NCKAP5: variants seen among roughly 807,000 people sequenced by gnomAD.
The protein encoded by NCKAP5 is NCK associated protein 5.
In NCKAP5, 92 loss-of-function variants were observed where a neutral mutation model predicts 167.0. The ratio of observed to expected loss-of-function variants is 0.55; its 90% CI spans 0.47 to 0.66. The LOEUF is 0.66. Among genes scored for constraint, NCKAP5 ranks in the 30% least tolerant of loss-of-function variants. The probability of loss-of-function intolerance (pLI) is 0.00; values close to 1 mark genes in which losing one functional copy is unlikely to be tolerated. For missense variants in NCKAP5, 2,378 were observed against 2,315.0 expected, an observed-to-expected ratio of 1.03 and a Z score of -0.56; for synonymous variants, 891 against 877.4, an observed-to-expected ratio of 1.02 and a Z score of -0.27.
At chr2:133,182,955 G>A (rs2084796875) in intron 5 of NCKAP5, among the ~76,000 whole-genome samples, 1 of 152,040 alleles carries the variant, frequency 6.6e-6, no homozygotes, top group Non-Finnish European at 1.5e-5. Context: ...GATATCAAAA[G>A]GATAGTAAGA....
intron 15 of NCKAP5, 41 bp from the exon 16 acceptor site, chr2:132,773,935 A>G (rs759015254): frequency 9.7e-6 from 15 of 1,541,860 alleles, no homozygotes; most frequent in African/African-American, 1.4e-5. Flanking sequence ...TATTTGTTTT[A>G]TTAAAAAGAT....
intron 3 of NCKAP5, among the ~76,000 whole-genome samples, chr2:133,486,441 T>G (rs900246083): frequency 6.6e-6 from 1 of 152,178 alleles, no homozygotes; most frequent in African/African-American, 2.4e-5. Context: ...CCCCATGCAG[T>G]GAGGCTAGTT....
chr2:133,046,158 G>A (rs1398031152), intron 6 of NCKAP5, among the ~76,000 whole-genome samples: 1 of 152,110 alleles, frequency 6.6e-6, no homozygotes, highest in East Asian at 1.9e-4. Flanking sequence ...TTGTCTGTGG[G>A]TAGTTGGAAT....
At chr2:132,996,723 A>C (rs2077613594) in intron 6 of NCKAP5, among the ~76,000 whole-genome samples, 1 of 152,242 alleles carries the variant, frequency 6.6e-6, no homozygotes, top group African/African-American at 2.4e-5. Context: ...CTGTAGATAA[A>C]ATACATACTC....
chr2:132,905,845 A>G (rs943871404), intron 8 of NCKAP5, among the ~76,000 whole-genome samples: 1 of 152,088 alleles, frequency 6.6e-6, no homozygotes, highest in African/African-American at 2.4e-5. Flanking sequence ...TCTCAGGTTC[A>G]TAGTATATAC....
intron 3 of NCKAP5, among the ~76,000 whole-genome samples, chr2:133,486,690 C>T (rs907776528): frequency 3.9e-5 from 6 of 152,154 alleles, no homozygotes; most frequent in East Asian, 3.8e-4. Context: ...GAGTGGTGAA[C>T]GTCTACAAAT....
At chr2:132,754,170 T>G (rs1574087618) in intron 16 of NCKAP5, among the ~76,000 whole-genome samples, 1 of 152,194 alleles carries the variant, frequency 6.6e-6, no homozygotes. Context: ...ATGTATCTGG[T>G]CCTGGTGGTA....
rs771674146 is a variant in NCKAP5 at position 133,066,759 on chromosome 2, AAAAGTCAGTAGGG to A, written c.341+63206_341+63218del. Among the ~76,000 whole-genome samples the A allele has an allele frequency of 1.5e-3, 225 of 152,338 alleles. 1 individual carries two copies. In the Middle Eastern group the frequency reaches 0.017, roughly 12 times the overall value. ...AAAATTTTTGCAATGGTTATGTGGG[AAAAGTCAGTAGGG>A]AAAGTCAGTAGGGAAAAGGAAATGT... is the stretch of plus-strand genomic sequence containing the variant. On this transcript the variant is annotated intron_variant, in intron 6 of 19. Transcript: ENST00000409261.
At chr2:133,539,076 G>A (rs2104873683) in intron 2 of NCKAP5, among the ~76,000 whole-genome samples, 1 of 151,806 alleles carries the variant, frequency 6.6e-6, no homozygotes, top group South Asian at 2.1e-4. Context: ...AAGTAGCTGG[G>A]ACTACAGGCG....
At chr2:133,646,504 CA>C in the NCKAP5 span, among the ~76,000 whole-genome samples, 1 of 151,920 alleles carries the variant, frequency 6.6e-6, no homozygotes, top group Non-Finnish European at 1.5e-5. Flanking sequence ...AACTTTCCTT[CA>C]AAAATAAAGG....
chr2:133,060,037 CT>C (rs2079944891), intron 6 of NCKAP5, among the ~76,000 whole-genome samples: 2 of 152,094 alleles, frequency 1.3e-5, no homozygotes, highest in Non-Finnish European at 2.9e-5. Context: ...CCAGAGAGCC[CT>C]AAGCTCCCAG....
At chr2:133,432,555 A>C (rs1690228826) in intron 3 of NCKAP5, among the ~76,000 whole-genome samples, 1 of 152,170 alleles carries the variant, frequency 6.6e-6, no homozygotes, top group South Asian at 2.1e-4. Context: ...CTCCAAATAC[A>C]AGCCTGTCAA....
chr2:133,308,406 C>A (rs1039232063), intron 3 of NCKAP5, among the ~76,000 whole-genome samples: 1 of 151,562 alleles, frequency 6.6e-6, no homozygotes, highest in African/African-American at 2.4e-5. Context: ...ATTTTTGACT[C>A]GATAATAAAA....
At chr2:133,347,456 G>C (rs942556937) in intron 3 of NCKAP5, among the ~76,000 whole-genome samples, 1 of 152,092 alleles carries the variant, frequency 6.6e-6, no homozygotes, top group Non-Finnish European at 1.5e-5. Flanking sequence ...AGGAGGCTGA[G>C]GCAGGAAAAT....
chr2:132,812,616 C>T (rs940879609), intron 11 of NCKAP5, among the ~76,000 whole-genome samples: 2 of 152,140 alleles, frequency 1.3e-5, no homozygotes, highest in Non-Finnish European at 2.9e-5. Flanking sequence ...CAGAGGGGTT[C>T]TGGGGGCTTT....
intron 3 of NCKAP5, among the ~76,000 whole-genome samples, chr2:133,416,175 C>T (rs1030926776): frequency 3.9e-5 from 6 of 152,152 alleles, no homozygotes; most frequent in Non-Finnish European, 5.9e-5. Context: ...CTATGCCAGG[C>T]GCTCTGTGGA....
At chr2:132,673,807 TA>T (rs1684067620) in intron 19 of NCKAP5, among the ~76,000 whole-genome samples, 1 of 152,188 alleles carries the variant, frequency 6.6e-6, no homozygotes, top group Admixed American at 6.5e-5. Context: ...TTTGTCCCTT[TA>T]TAGGACTTAA....
chr2:132,841,330 A>G (rs557564375), intron 11 of NCKAP5, among the ~76,000 whole-genome samples: 1 of 152,258 alleles, frequency 6.6e-6, no homozygotes, highest in South Asian at 2.1e-4. Flanking sequence ...TTCCATTTCT[A>G]GGTGCTTATT....
At chr2:133,404,573 T>C (rs1688306967) in intron 3 of NCKAP5, among the ~76,000 whole-genome samples, 1 of 152,244 alleles carries the variant, frequency 6.6e-6, no homozygotes, top group South Asian at 2.1e-4. Flanking sequence ...CTGAGGTTTT[T>C]CATTTAATAT....
Sources: allele counts gnomAD v4.1 joint callset (sites outside exome capture counted in the v4.1 genomes callset), GRCh38; gene constraint gnomAD v4.1.1; transcripts MANE v1.5; gene names NCBI Gene and HGNC (gene_info 2026-07-23, HGNC 2026-07-21).